Variants in BBS9 observed in about 807,000 individuals in gnomAD.
BBS9 encodes protein PTHB1.
BBS9 carries 89 observed loss-of-function variants against 117.7 expected under a neutral mutation model. The ratio of observed to expected loss-of-function variants is 0.76; its 90% confidence interval spans 0.64 to 0.90. The LOEUF (loss-of-function observed/expected upper bound fraction) is 0.90. BBS9 is among the 40% of genes least tolerant of loss of function. The pLI, the probability that BBS9 is intolerant of heterozygous loss-of-function variation, is 0.00. For missense variants in BBS9, 982 were observed against 1,042.2 expected (o/e 0.94, Z 0.80); for synonymous variants, 379 against 370.9 (o/e 1.02, Z -0.25).
chr7:33,591,731 A>G (rs576065172), intron 21 of BBS9, among the ~76,000 whole-genome samples: 4 of 152,152 alleles, frequency 2.6e-5, no homozygotes, highest in Middle Eastern at 6.8e-3. Flanking sequence ...CAAACCTACC[A>G]CTGTTTTACC....
At chr7:33,348,331 C>T (rs1280081364) in intron 12 of BBS9, among the ~76,000 whole-genome samples, 1 of 152,024 alleles carries the variant, frequency 6.6e-6, no homozygotes, top group Non-Finnish European at 1.5e-5. Context: ...AAATAATGCA[C>T]ATAAATTTGT....
intron 21 of BBS9, among the ~76,000 whole-genome samples, chr7:33,624,406 T>C (rs1168645197): frequency 6.6e-6 from 1 of 152,164 alleles, no homozygotes; most frequent in African/African-American, 2.4e-5. Flanking sequence ...CAGAAAATTT[T>C]GCAGCTGTTA....
At position 33,371,200 on chromosome 7, in the gene BBS9, T is replaced by A. The variant is rs554947634; in HGVS notation, c.1789+3338T>A. Among the ~76,000 whole-genome samples, 3 of 152,306 alleles carry A rather than the reference T, an allele frequency of 2.0e-5. No individual in the cohort carries two copies. In the East Asian group the frequency reaches 5.8e-4, roughly 29 times the overall value. ...GACAGTTCCTTTAATAATATCTCTA[T>A]AGTTTATATAATTATAAAGATTATG... is the stretch of plus-strand genomic sequence containing the variant. On this transcript the variant is annotated intron_variant, in intron 17 of 22. Coordinates refer to ENST00000242067, the MANE Select transcript of BBS9 (RefSeq NM_198428.3).
At chr7:33,502,100 G>A (rs1345266789) in intron 19 of BBS9, among the ~76,000 whole-genome samples, 1 of 152,000 alleles carries the variant, frequency 6.6e-6, no homozygotes, top group African/African-American at 2.4e-5. Context: ...AGTAAAGATG[G>A]GTTTTCAACA....
At chr7:33,325,252 CT>C (rs1165948422) in intron 9 of BBS9, among the ~76,000 whole-genome samples, 1 of 152,128 alleles carries the variant, frequency 6.6e-6, no homozygotes, top group Admixed American at 6.5e-5. Flanking sequence ...TTGATTAGTT[CT>C]GTTGGTGAGG....
rs528564830 is a variant in BBS9 at position 33,409,410 on chromosome 7, G to A, written c.2115+21266G>A. ...CTATCCCAGCACCATTCATTGAATA[G>A]GGAGTCTCTTCCCCATGCTTATTTT... On this transcript the variant is annotated intron_variant, in intron 19 of 22. Transcript: ENST00000242067. 9.2e-5 allele frequency among the ~76,000 whole-genome samples: 14 copies of A among 152,288 alleles called. 1 individual carries two copies. In the South Asian group the frequency reaches 2.9e-3, roughly 32 times the overall value.
At chr7:33,132,756 T>A (rs1789825179) in intron 1 of BBS9, among the ~76,000 whole-genome samples, 1 of 152,182 alleles carries the variant, frequency 6.6e-6, no homozygotes, top group African/African-American at 2.4e-5. Flanking sequence ...AATATCTCAA[T>A]GTCAAGGCCT....
chr7:33,462,196 A>G (rs921316925), intron 19 of BBS9, among the ~76,000 whole-genome samples: 3 of 152,104 alleles, frequency 2.0e-5, no homozygotes, highest in African/African-American at 7.2e-5. Context: ...TTCTCCTATT[A>G]TGAAATGTTC....
intron 19 of BBS9, among the ~76,000 whole-genome samples, chr7:33,499,809 T>C (rs192776368): frequency 1.4e-3 from 207 of 152,348 alleles, no homozygotes; most frequent in Admixed American, 5.6e-3. Context: ...AGATTATTTC[T>C]GTAAAGAGGT....
intron 14 of BBS9, 33 bp downstream of exon 14, chr7:33,351,356 T>A: frequency 1.4e-6 from 2 of 1,436,742 alleles, no homozygotes; most frequent in Non-Finnish European, 2.0e-6. Flanking sequence ...TACTTTAAGT[T>A]GTTGGAGTTA....
intron 19 of BBS9, among the ~76,000 whole-genome samples, chr7:33,473,543 C>T (rs1254153344): frequency 6.6e-6 from 1 of 152,128 alleles, no homozygotes; most frequent in Non-Finnish European, 1.5e-5. Flanking sequence ...AGGCTGGTCT[C>T]GAATTCCTGA....
intron 19 of BBS9, among the ~76,000 whole-genome samples, chr7:33,411,114 C>T (rs894186923): frequency 1.3e-5 from 2 of 150,730 alleles, no homozygotes; most frequent in African/African-American, 4.9e-5. Context: ...TTCTTTTAGC[C>T]GGAAAGGATG....
intron 20 of BBS9, among the ~76,000 whole-genome samples, chr7:33,526,734 T>C (rs1212851754): frequency 6.6e-6 from 1 of 150,812 alleles, no homozygotes; most frequent in East Asian, 2.0e-4. Flanking sequence ...GTCTGAAGCC[T>C]TCTTCTCTCA....
chr7:33,291,223 A>G (rs1584130584), intron 9 of BBS9, among the ~76,000 whole-genome samples: 1 of 152,148 alleles, frequency 6.6e-6, no homozygotes, highest in African/African-American at 2.4e-5. Flanking sequence ...CACAGTTCTC[A>G]TAGTAATTTT....
At chr7:33,552,317 A>G (rs1047361710) in intron 21 of BBS9, among the ~76,000 whole-genome samples, 1 of 152,126 alleles carries the variant, frequency 6.6e-6, no homozygotes, top group Non-Finnish European at 1.5e-5. Flanking sequence ...GTAGATTTGA[A>G]TTGAATCACT....
intron 17 of BBS9, among the ~76,000 whole-genome samples, chr7:33,368,988 G>T (rs1445721893): frequency 6.6e-6 from 1 of 152,138 alleles, no homozygotes. Context: ...GATTGGTCAT[G>T]ATTGCAGTAT....
At position 33,182,505 on chromosome 7, in the gene BBS9, G is replaced by A. The variant is rs900073979; in HGVS notation, c.442+4914G>A. ...CAAAGAAGCAGTTTATGACCTTAAAGCATTTATCAAACCTAATATCTGACC... is the reference window on the plus strand; with the variant it reads ...CAAAGAAGCAGTTTATGACCTTAAAACATTTATCAAACCTAATATCTGACC... On this transcript the variant is annotated intron_variant, in intron 5 of 22. Transcript: ENST00000242067. Among the ~76,000 whole-genome samples, 6 of 152,134 alleles carry A rather than the reference G, an allele frequency of 3.9e-5. No homozygotes were observed. The South Asian group carries it at 6.2e-4, about 16-fold the overall frequency.
intron 5 of BBS9, among the ~76,000 whole-genome samples, chr7:33,243,444 C>T (rs1229780093): frequency 1.3e-5 from 2 of 152,190 alleles, no homozygotes; most frequent in African/African-American, 2.4e-5. Flanking sequence ...AAAGCCTATG[C>T]AGTATCCAAT....
chr7:33,293,308 G>C (rs1804470146), intron 9 of BBS9, among the ~76,000 whole-genome samples: 1 of 151,912 alleles, frequency 6.6e-6, no homozygotes, highest in Non-Finnish European at 1.5e-5. Context: ...ATTGGTATCA[G>C]AATTATACAG....
Sources: gnomAD v4.1 joint callset for allele counts (sites outside exome capture counted in the v4.1 genomes callset) on GRCh38, gnomAD v4.1.1 for gene constraint, MANE v1.5 for transcripts, NCBI Gene and HGNC (gene_info 2026-07-23, HGNC 2026-07-21) for gene names.